Variants in FSTL5 observed in about 807,000 individuals in gnomAD.
The protein encoded by FSTL5 is follistatin-related protein 5.
Under a neutral mutation model 89.1 loss-of-function variants are expected in FSTL5, and 62 were observed. The observed-to-expected ratio is 0.70, with a 90% CI of 0.57 to 0.86. FSTL5 has a LOEUF of 0.86. Among genes scored for constraint, FSTL5 ranks in the 40% least tolerant of loss-of-function variants. FSTL5 has a pLI of 0.00. For synonymous variants in FSTL5, 383 were observed against 346.2 expected, an observed-to-expected ratio of 1.11 and a Z score of -1.18; for missense variants, 1,057 against 1,001.6, an observed-to-expected ratio of 1.06 and a Z score of -0.75.
At chr4:161,833,638 G>A (rs558088486) in intron 4 of FSTL5, among the ~76,000 whole-genome samples, 4 of 152,066 alleles carry the variant, frequency 2.6e-5, no homozygotes, top group Non-Finnish European at 5.9e-5. Context: ...TTATGTAATA[G>A]CCTTCTTTGT....
chr4:161,809,020 C>T (rs557345616), intron 4 of FSTL5, among the ~76,000 whole-genome samples: 12 of 152,196 alleles, frequency 7.9e-5, no homozygotes, highest in African/African-American at 2.6e-4. Context: ...AGATCGAGAC[C>T]ATCCTGGCTA....
chr4:161,830,536 A>G (rs934292843), intron 4 of FSTL5, among the ~76,000 whole-genome samples: 1 of 151,972 alleles, frequency 6.6e-6, no homozygotes. Flanking sequence ...TTCTCTGTTC[A>G]TTTATGTTGT....
intron 4 of FSTL5, among the ~76,000 whole-genome samples, chr4:161,902,705 C>A (rs953539317): frequency 6.6e-6 from 1 of 151,926 alleles, no homozygotes; most frequent in African/African-American, 2.4e-5. Flanking sequence ...AAAAATTAGC[C>A]AGGCGTGATG....
chr4:161,597,372 C>T (rs1354067430), intron 7 of FSTL5, among the ~76,000 whole-genome samples: 1 of 150,338 alleles, frequency 6.7e-6, no homozygotes, highest in Non-Finnish European at 1.5e-5. Flanking sequence ...AGCAAACTAT[C>T]CCAAGGACAA....
intron 8 of FSTL5, among the ~76,000 whole-genome samples, chr4:161,554,307 C>G (rs577634202): frequency 6.0e-4 from 91 of 151,408 alleles, no homozygotes; most frequent in Admixed American, 1.4e-3. Flanking sequence ...TAGACTAGAC[C>G]AGTACTTCTC....
Position 162,094,759 on chromosome 4 carries a change from G to C in FSTL5, c.126+16512C>G, listed in dbSNP as rs117164203. On this transcript the variant is annotated intron_variant, in intron 2 of 15. Transcript: ENST00000306100. ...TAGTAATTAGTCAGAAGTGGCAAGA[G>C]TAAACTTCTGAATTACAGGAGATAT... Among the ~76,000 whole-genome samples the C allele has an allele frequency of 1.8e-4, 28 of 152,204 alleles. No individual in the cohort carries two copies. The East Asian group carries it at 5.0e-3, about 27-fold the overall frequency.
chr4:161,628,158 G>A (rs902741050), intron 7 of FSTL5, among the ~76,000 whole-genome samples: 1 of 152,072 alleles, frequency 6.6e-6, no homozygotes, highest in Non-Finnish European at 1.5e-5. Flanking sequence ...GATAATTAAA[G>A]GAACAAATCA....
At chr4:161,976,683 T>C (rs927523864) in intron 3 of FSTL5, among the ~76,000 whole-genome samples, 3 of 151,924 alleles carry the variant, frequency 2.0e-5, no homozygotes, top group Admixed American at 2.0e-4. Flanking sequence ...GGGTTTCACC[T>C]TGTTGGCCAG....
Position 162,026,957 on chromosome 4 carries a change from T to C in FSTL5, c.160+6668A>G, listed in dbSNP as rs78901975. ...CACTGAAACCCAGACAAATGATCCA[T>C]TGGATAAGAAAATTTATTGGTGGTA... On this transcript the variant is annotated intron_variant, in intron 3 of 15. Coordinates refer to ENST00000306100, the MANE Select transcript of FSTL5 (RefSeq NM_020116.5). Among the ~76,000 whole-genome samples, 873 of 152,212 alleles carry C rather than the reference T, an allele frequency of 5.7e-3. 14 individuals carry two copies. The highest frequency in any genetic ancestry group is 0.028 in the Admixed American group (431 of 15,280).
intron 4 of FSTL5, among the ~76,000 whole-genome samples, chr4:161,823,927 T>C (rs553323897): frequency 6.6e-6 from 1 of 152,358 alleles, no homozygotes; most frequent in East Asian, 1.9e-4. Flanking sequence ...TTGTCAGATA[T>C]ATAGATTACA....
At chr4:161,832,912 C>A (rs1206626295) in intron 4 of FSTL5, among the ~76,000 whole-genome samples, 1 of 148,236 alleles carries the variant, frequency 6.7e-6, no homozygotes, top group African/African-American at 2.5e-5. Flanking sequence ...TTATTTCTGG[C>A]CTTCTGCTAG....
At chr4:161,906,587 A>C (rs888462702) in intron 4 of FSTL5, among the ~76,000 whole-genome samples, 1 of 152,132 alleles carries the variant, frequency 6.6e-6, no homozygotes, top group African/African-American at 2.4e-5. Flanking sequence ...TTTAAGTCTC[A>C]AAGACGGATG....
chr4:161,947,209 C>A (rs1734760904), intron 3 of FSTL5, among the ~76,000 whole-genome samples: 1 of 150,982 alleles, frequency 6.6e-6, no homozygotes, highest in Admixed American at 6.6e-5. Flanking sequence ...CTATTAAATT[C>A]CTCAATAGAG....
intron 8 of FSTL5, among the ~76,000 whole-genome samples, chr4:161,577,532 T>C (rs919319302): frequency 5.4e-5 from 8 of 149,194 alleles, no homozygotes; most frequent in African/African-American, 2.0e-4. Flanking sequence ...GCTTTCTTCC[T>C]GGCGGCATCC....
intron 3 of FSTL5, among the ~76,000 whole-genome samples, chr4:162,029,146 G>GGAGAGAGA (rs5863512): frequency 5.3e-4 from 74 of 139,290 alleles, no homozygotes; most frequent in Middle Eastern, 3.7e-3. Context: ...TGTACATGAG[G>GGAGAGAGA]GAGAGAGAGA....
chr4:161,446,951 G>A (rs908219145), intron 15 of FSTL5, among the ~76,000 whole-genome samples: 16 of 151,430 alleles, frequency 1.1e-4, no homozygotes, highest in African/African-American at 3.9e-4. Flanking sequence ...ATGTAAGACA[G>A]AAAAAAAAGT....
chr4:161,757,760 AG>A (rs1740628736), intron 6 of FSTL5, among the ~76,000 whole-genome samples: 1 of 152,018 alleles, frequency 6.6e-6, no homozygotes, highest in South Asian at 2.1e-4. Context: ...CTGGGATTAC[AG>A]GCGCCTGCCA....
chr4:161,449,541 G>C (rs1733079955), intron 15 of FSTL5, among the ~76,000 whole-genome samples: 1 of 152,068 alleles, frequency 6.6e-6, no homozygotes, highest in Non-Finnish European at 1.5e-5. Flanking sequence ...CCTAGCCCTG[G>C]AGTGGCTATA....
intron 10 of FSTL5, among the ~76,000 whole-genome samples, chr4:161,535,468 T>C (rs1251019373): frequency 6.6e-6 from 1 of 151,970 alleles, no homozygotes; most frequent in Non-Finnish European, 1.5e-5. Context: ...TCAGCAAACA[T>C]ATGAAAAATG....
Sources: gnomAD v4.1 joint callset for allele counts (sites outside exome capture counted in the v4.1 genomes callset) on GRCh38, gnomAD v4.1.1 for gene constraint, MANE v1.5 for transcripts, NCBI Gene and HGNC (gene_info 2026-07-23, HGNC 2026-07-21) for gene names.